KTN1: variants seen among roughly 807,000 people sequenced by gnomAD.
The protein encoded by KTN1 is kinectin.
Under a neutral mutation model 222.5 loss-of-function variants are expected in KTN1, and 130 were observed. The observed-to-expected ratio is 0.58, with a 90% CI of 0.51 to 0.68. The LOEUF is 0.68. Among genes scored for constraint, KTN1 ranks in the 30% least tolerant of loss-of-function variants. The pLI is 0.00. For missense variants in KTN1, 1,508 were observed against 1,500.4 expected, an observed-to-expected ratio of 1.01 and a Z score of -0.08; for synonymous variants, 512 against 496.3, an observed-to-expected ratio of 1.03 and a Z score of -0.42.
chr14:55,648,980 C>G (rs189775524), intron 21 of KTN1, 110 bp downstream of exon 21: 1 of 718,988 alleles, frequency 1.4e-6, no homozygotes, highest in East Asian at 2.7e-5. Context: ...GGCTGGAGTG[C>G]AGTGGTACAA....
At chr14:55,611,935 G>A in intron 1 of KTN1, 84 bp from the exon 2 acceptor site, 1 of 556,954 alleles carries the variant, frequency 1.8e-6, no homozygotes, top group Non-Finnish European at 3.0e-6. Flanking sequence ...AATGCCACTT[G>A]AAAGAGCAGC....
rs1296775732 is a variant in KTN1, at chr14:55,633,314, G to A, written c.1301G>A (p.Ser434Asn). ...QENGILRDAV[S>N]NTTNQLESKQ... ...AATGGTATACTGAGAGATGCAGTCA[G>A]CAACACTACAAATCAACTGGAAAGC... The change falls in exon 8 of 44, where the codon AGC (serine) becomes AAC (asparagine). Residue 434 changes from serine (S) to asparagine (N), a missense_variant. By Grantham distance (46) the Ser-to-Asn change is conservative. Transcript: ENST00000395314. 1 of 1,580,968 alleles carries A rather than the reference G, an allele frequency of 6.3e-7. No homozygotes were observed. The highest frequency in any genetic ancestry group is 8.6e-7 in the Non-Finnish European group (1 of 1,162,694).
chr14:55,660,847 A>G (rs2044062403), intron 31 of KTN1, among the ~76,000 whole-genome samples: 1 of 152,234 alleles, frequency 6.6e-6, no homozygotes, highest in Admixed American at 6.5e-5. Context: ...AGGACCTACA[A>G]AAACAGACTG....
chr14:55,596,940 G>C (rs2035146841), intron 1 of KTN1, among the ~76,000 whole-genome samples: 1 of 151,674 alleles, frequency 6.6e-6, no homozygotes, highest in Non-Finnish European at 1.5e-5. Flanking sequence ...TCTTTTTGCA[G>C]CTTCAAGAAT....
intron 1 of KTN1, 133 bp from the exon 2 acceptor site, chr14:55,611,886 A>G (rs2037630247): frequency 7.5e-6 from 3 of 398,006 alleles, no homozygotes; most frequent in Admixed American, 9.0e-5. Flanking sequence ...TGATTTAAAG[A>G]ACTAACCTGT....
chr14:55,660,418 C>G (rs2044000650), intron 31 of KTN1, among the ~76,000 whole-genome samples: 1 of 126,214 alleles, frequency 7.9e-6, no homozygotes, highest in East Asian at 2.4e-4. Flanking sequence ...TTTACTGATA[C>G]CTTTTTCTTG....
intron 5 of KTN1, among the ~76,000 whole-genome samples, chr14:55,622,315 G>C (rs2039261918): frequency 6.6e-6 from 1 of 152,128 alleles, no homozygotes; most frequent in Non-Finnish European, 1.5e-5. Context: ...ATTGTTGTGG[G>C]GGGGATGTGT....
intron 5 of KTN1, among the ~76,000 whole-genome samples, chr14:55,621,553 C>T (rs1448582856): frequency 1.3e-5 from 2 of 152,038 alleles, no homozygotes; most frequent in Non-Finnish European, 2.9e-5. Context: ...GGAATGAGAA[C>T]CAAATGAAAG....
chr14:55,614,455 A>G (rs139296200), intron 2 of KTN1, among the ~76,000 whole-genome samples: 171 of 152,330 alleles, frequency 1.1e-3, no homozygotes, highest in African/African-American at 3.9e-3. Flanking sequence ...AGGAGAAGAT[A>G]GGATTAAAGC....
intron 40 of KTN1, chr14:55,675,602 T>G (rs2045825730): frequency 1.1e-5 from 4 of 365,962 alleles, no homozygotes; most frequent in African/African-American, 4.2e-5. Context: ...GTTTTTGCAT[T>G]TGCAGTTTTC....
chr14:55,655,952 C>T (rs981608635), intron 28 of KTN1, 90 bp from the exon 29 acceptor site: 3 of 662,134 alleles, frequency 4.5e-6, no homozygotes, highest in East Asian at 5.7e-5. Flanking sequence ...TGTATTGTTT[C>T]TGCCATCTTT....
chr14:55,672,464 C>A (rs530773985), intron 37 of KTN1, 166 bp from the exon 38 acceptor site: 4 of 525,884 alleles, frequency 7.6e-6, no homozygotes, highest in Non-Finnish European at 1.4e-5. Context: ...CAATTTAAAT[C>A]AAGTTCAATG....
At chr14:55,611,506 A>G (rs760710451) in intron 1 of KTN1, among the ~76,000 whole-genome samples, 32 of 152,144 alleles carry the variant, frequency 2.1e-4, no homozygotes, top group Non-Finnish European at 3.7e-4. Context: ...GCTGATAGTC[A>G]CTGGTGTAAA....
At chr14:55,616,430 A>G (rs959363947) in intron 2 of KTN1, 87 bp from the exon 3 acceptor site, 1 of 1,251,306 alleles carries the variant, frequency 8.0e-7, no homozygotes, top group African/African-American at 1.5e-5. Context: ...TAGTGGTAAA[A>G]CATTCTGGGA....
At chr14:55,658,413 C>T in intron 29 of KTN1, 133 bp from the exon 30 acceptor site, 2 of 631,860 alleles carry the variant, frequency 3.2e-6, no homozygotes, top group South Asian at 3.8e-5. Context: ...TAATAAAGAG[C>T]TTATTACACC....
Position 55,657,315 on chromosome 14 carries a change from A to G in KTN1, c.2892+1183A>G, listed in dbSNP as rs577363400. Among the ~76,000 whole-genome samples, 19 of 151,948 alleles carry G rather than the reference A, an allele frequency of 1.3e-4. No homozygotes were observed. The South Asian group carries it at 4.0e-3, about 32-fold the overall frequency. On this transcript the variant is annotated intron_variant, in intron 29 of 43. Coordinates refer to ENST00000395314, the MANE Select transcript of KTN1 (RefSeq NM_001079521.2). Reference sequence around the variant, plus strand: ...TTAATTTGCATTTGACTGCGAGAGAAGTTAAGCATTTTTCGTATGTTCAAG... The same window carrying G: ...TTAATTTGCATTTGACTGCGAGAGAGGTTAAGCATTTTTCGTATGTTCAAG...
chr14:55,661,509 T>C lies in KTN1; in HGVS notation c.3000-13T>C. On this transcript the variant is annotated splice_polypyrimidine_tract_variant and intron_variant, in intron 31 of 43. Transcript: ENST00000395314. The stretch of plus-strand genomic sequence containing the variant: ...CCTAAAATCTTGCTACATGTATTCA[T>C]GTTCTGGTTTAGAATTTCAGAAAGA... 1 of 1,431,022 alleles carries C rather than the reference T, an allele frequency of 7.0e-7. No homozygotes were observed. The highest frequency in any genetic ancestry group is 9.9e-7 in the Non-Finnish European group (1 of 1,013,966). 88.6% of individuals were successfully genotyped at this position (1,431,022 alleles called of 1,614,324 possible).
chr14:55,638,457 A>C (rs1045618107), intron 12 of KTN1, among the ~76,000 whole-genome samples: 12 of 151,928 alleles, frequency 7.9e-5, no homozygotes, highest in African/African-American at 2.9e-4. Context: ...TATTTGTAGC[A>C]AAAAGTATTG....
chr14:55,597,779 G>T (rs1423537847), intron 1 of KTN1, among the ~76,000 whole-genome samples: 1 of 152,026 alleles, frequency 6.6e-6, no homozygotes, highest in Admixed American at 6.6e-5. Flanking sequence ...ATTTGAGCCC[G>T]GGAGGGGGAG....
Sources: gnomAD v4.1 joint callset for allele counts (sites outside exome capture counted in the v4.1 genomes callset) on GRCh38, gnomAD v4.1.1 for gene constraint, MANE v1.5 for transcripts, NCBI Gene and HGNC (gene_info 2026-07-23, HGNC 2026-07-21) for gene names.